STARD8: variants seen among roughly 807,000 people sequenced by gnomAD.
The protein encoded by STARD8 is StAR related lipid transfer domain containing 8.
STARD8 carries 25 observed loss-of-function variants against 69.4 expected under a neutral mutation model. The ratio of observed to expected loss-of-function variants is 0.36; its 90% CI spans 0.26 to 0.50. STARD8 has a LOEUF of 0.50. Among genes scored for constraint, STARD8 ranks in the 20% least tolerant of loss-of-function variants. The pLI is 0.96. For synonymous variants in STARD8, 389 were observed against 374.6 expected, an observed-to-expected ratio of 1.04 and a Z score of -0.45; for missense variants, 921 against 932.5, an observed-to-expected ratio of 0.99 and a Z score of 0.16.
At chrX:68,679,875 G>A (rs1461478773) in intron 2 of STARD8, among the ~76,000 whole-genome samples, 2 of 111,892 alleles carry the variant, frequency 1.8e-5, no homozygotes, top group Non-Finnish European at 3.8e-5. Flanking sequence ...CTCCTCCAGG[G>A]TTCTGGGATG....
rs1019064106 is a variant in STARD8, at chrX:68,725,668, A to G, written c.*1246A>G. ...TATATACACATACATATATATACACACACGCATTTGCACAGACACACACAT... is the reference window on the plus strand; with the variant it reads ...TATATACACATACATATATATACACGCACGCATTTGCACAGACACACACAT... On this transcript the variant is annotated 3_prime_UTR_variant, in exon 15 of 15. Coordinates refer to ENST00000374599, the MANE Select transcript of STARD8 (RefSeq NM_001142503.3). The G allele has an allele frequency of 9.3e-6, 1 of 106,984 alleles. No homozygotes were observed. Among genetic ancestry groups the G allele is most frequent in the Non-Finnish European group, 1.9e-5 (1 of 51,825 alleles). 8.8% of individuals were successfully genotyped at this position (106,984 alleles called of 1,213,427 possible). A position where few individuals can be genotyped will look rare whatever the true frequency, so the allele number is the denominator to read the frequency against.
At chrX:68,722,903 G>A (rs1287458794) in intron 12 of STARD8, among the ~76,000 whole-genome samples, 1 of 112,919 alleles carries the variant, frequency 8.9e-6, no homozygotes, top group Non-Finnish European at 1.9e-5. Context: ...ATACGATGCT[G>A]CTTTGATAGC....
At chrX:68,680,828 T>C (rs1339206897) in intron 2 of STARD8, among the ~76,000 whole-genome samples, 1 of 110,822 alleles carries the variant, frequency 9.0e-6, no homozygotes, top group Non-Finnish European at 1.9e-5. Flanking sequence ...GCCTACGTGA[T>C]ACAAGGGCAA....
chrX:68,701,037 G>T (rs1359615715), intron 2 of STARD8, among the ~76,000 whole-genome samples: 1 of 111,488 alleles, frequency 9.0e-6, no homozygotes, highest in Non-Finnish European at 1.9e-5. Context: ...TCTCAAACCT[G>T]CCACCTCGTG....
rs1479413011 is a variant in STARD8 at position 68,717,899 on chromosome X, G to T, written c.985G>T (p.Asp329Tyr). Residue 329 changes from aspartate to tyrosine, a missense_variant, in exon 6 of 15, where the codon GAC (aspartate) becomes TAC (tyrosine). Transcript: ENST00000374599. ...TCCTGAGGATGGACACCGCCTGGCA[G>T]ACTGGCAGCCAGGTAGGCGGTGGGG... ...LCPEDGHRLA[D>Y]WQPGRRWGCE... 1 of 1,207,421 alleles carries T rather than the reference G, an allele frequency of 8.3e-7. No individual in the cohort carries two copies. The highest frequency in any genetic ancestry group is 1.7e-5 in the African/African-American group (1 of 57,311).
At chrX:68,704,807 C>T (rs746834750) in intron 2 of STARD8, among the ~76,000 whole-genome samples, 1 of 111,563 alleles carries the variant, frequency 9.0e-6, no homozygotes, top group Non-Finnish European at 1.9e-5. Context: ...GCATCACACA[C>T]ACCTCTGCTG....
Position 68,689,671 on chromosome X carries a change from G to C in STARD8, c.80-23243G>C, listed in dbSNP as rs577154766. ...AATCTCCCCTGGCCTGGGCCTGGCT[G>C]GGCCTGTGCTCCAGAGTCCCTCACT... is the stretch of plus-strand genomic sequence containing the variant. On this transcript the variant is annotated intron_variant, in intron 2 of 14. Transcript: ENST00000374599. 5.8e-3 allele frequency among the ~76,000 whole-genome samples: 650 copies of C among 112,229 alleles called. 2 individuals are homozygous for C. Among genetic ancestry groups the C allele is most frequent in the African/African-American group, 0.02 (615 of 30,884 alleles).
Position 68,718,346 on chromosome X carries a change from G to T in STARD8, c.1432G>T (p.Ala478Ser), listed in dbSNP as rs2080115211. The change falls in exon 6 of 15, where the codon GCA becomes TCA. Residue 478 changes from alanine (A) to serine (S), a missense_variant. Coordinates refer to ENST00000374599, the MANE Select transcript of STARD8 (RefSeq NM_001142503.3). ...AQAPAEAEPV[A>S]QEEAEAPAPA... ...GGCTCCAGCTGAGGCTGAACCAGTGGCACAGGAAGAGGCTGAGGCCCCGGC... is the reference window on the plus strand; with the variant it reads ...GGCTCCAGCTGAGGCTGAACCAGTGTCACAGGAAGAGGCTGAGGCCCCGGC... The T allele has an allele frequency of 1.7e-6, 2 of 1,209,101 alleles. No individual in the cohort carries two copies. Among genetic ancestry groups the T allele is most frequent in the African/African-American group, 3.5e-5 (2 of 57,854 alleles).
rs139219991 is a variant in STARD8 at position 68,705,835 on chromosome X, A to G, written c.80-7079A>G. ...CCAAAAACGTCTCCAGACATTGCCA[A>G]ATGTCCCCTGGGGGAAAAATTGTCC... On this transcript the variant is annotated intron_variant, in intron 2 of 14. Transcript: ENST00000374599. 4.1e-3 allele frequency among the ~76,000 whole-genome samples: 468 copies of G among 112,821 alleles called. 2 individuals carry two copies. The highest frequency in any genetic ancestry group is 0.014 in the African/African-American group (450 of 31,095).
chrX:68,668,377 G>T (rs1169986347), intron 2 of STARD8, among the ~76,000 whole-genome samples: 6 of 99,856 alleles, frequency 6.0e-5, no homozygotes, highest in African/African-American at 2.3e-4. Context: ...AGGCTGAAGC[G>T]CAGTGGTGCA....
chrX:68,712,932 C>T lies in STARD8; in HGVS notation c.98C>T (p.Ala33Val), dbSNP rs201148774. 3 of 1,205,298 alleles carry T rather than the reference C, an allele frequency of 2.5e-6. No homozygotes were observed. Among genetic ancestry groups the T allele is most frequent in the African/African-American group, 1.7e-5 (1 of 57,248 alleles). The change falls in exon 3 of 15, where the codon GCA (alanine) becomes GTA (valine). Residue 33 changes from alanine (A) to valine (V), a missense_variant. Ala to Val is a moderately conservative substitution (Grantham distance 64, BLOSUM62 0). Transcript: ENST00000374599. ...KKNAEAEAKRACEWLQATGFP... is the reference protein window; with the variant it reads ...KKNAEAEAKRVCEWLQATGFP... ...GTTTTAGAAGCCGAGGCCAAAAGAG[C>T]ATGTGAGTGGCTTCAAGCAACAGGA...
At chrX:68,697,815 C>A (rs760095845) in intron 2 of STARD8, among the ~76,000 whole-genome samples, 6 of 112,355 alleles carry the variant, frequency 5.3e-5, no homozygotes, top group African/African-American at 1.6e-4. Flanking sequence ...TCAGTGCAGG[C>A]CTCTGCCCCC....
At position 68,725,400 on chromosome X, in the gene STARD8, C is replaced by T. The variant is rs2080191448; in HGVS notation, c.*978C>T. The T allele has an allele frequency of 9.0e-6, 1 of 110,555 alleles. No homozygotes were observed. Among genetic ancestry groups the T allele is most frequent in the South Asian group, 3.9e-4 (1 of 2,568 alleles). The allele number at this position is 110,555 out of a possible 1,213,427, so 9.1% of individuals were successfully genotyped here. A position where few individuals can be genotyped will look rare whatever the true frequency, so the allele number is the denominator to read the frequency against. On this transcript the variant is annotated 3_prime_UTR_variant, in exon 15 of 15. Transcript: ENST00000374599. ...AGCCAAACCTGTTCTGTCCCACTGGCCAGCCATCTTTGCTCACATGGAAAT... is the reference window on the plus strand; with the variant it reads ...AGCCAAACCTGTTCTGTCCCACTGGTCAGCCATCTTTGCTCACATGGAAAT...
intron 1 of STARD8, among the ~76,000 whole-genome samples, chrX:68,663,725 A>G (rs2079664886): frequency 9.0e-6 from 1 of 111,547 alleles, no homozygotes; most frequent in Admixed American, 9.5e-5. Context: ...ATCCTTTCTC[A>G]TTCTTCTTTC....
chrX:68,654,129 C>G (rs777558105), intron 1 of STARD8, among the ~76,000 whole-genome samples: 4 of 111,644 alleles, frequency 3.6e-5, no homozygotes, highest in African/African-American at 1.3e-4. Flanking sequence ...TCCTCTTTCT[C>G]TGTTCCTCTC....
intron 2 of STARD8, among the ~76,000 whole-genome samples, chrX:68,670,948 C>G (rs1193371215): frequency 9.0e-6 from 1 of 111,327 alleles, no homozygotes; most frequent in Non-Finnish European, 1.9e-5. Context: ...ACTAGCATAG[C>G]CCTCCATCTG....
chrX:68,680,044 T>A (rs2079791795), intron 2 of STARD8, among the ~76,000 whole-genome samples: 1 of 112,022 alleles, frequency 8.9e-6, no homozygotes, highest in African/African-American at 3.2e-5. Flanking sequence ...CGTCGCCAAC[T>A]TTTGTCTCTA....
chrX:68,653,227 CCACACCACACACA>C (rs1176280802), intron 1 of STARD8, among the ~76,000 whole-genome samples: 8 of 57,880 alleles, frequency 1.4e-4, no homozygotes, highest in African/African-American at 3.9e-4. Context: ...AACATACACA[CCACACCACACACA>C]CACACCACAC....
intron 2 of STARD8, among the ~76,000 whole-genome samples, chrX:68,684,442 C>T (rs1316473040): frequency 8.8e-6 from 1 of 113,043 alleles, no homozygotes; most frequent in Non-Finnish European, 1.9e-5. Context: ...GCCGCCCTTC[C>T]TTCTAGGCCG....
Sources: gnomAD v4.1 joint callset for allele counts (sites outside exome capture counted in the v4.1 genomes callset) on GRCh38, gnomAD v4.1.1 for gene constraint, MANE v1.5 for transcripts, NCBI Gene and HGNC (gene_info 2026-07-23, HGNC 2026-07-21) for gene names.